Variants in FBXW8 observed in about 807,000 individuals in gnomAD.
The protein encoded by FBXW8 is F-box/WD repeat-containing protein 8.
In FBXW8, 57 loss-of-function variants were observed where a neutral mutation model predicts 65.3. The ratio of observed to expected loss-of-function variants is 0.87; its 90% CI spans 0.71 to 1.09. The LOEUF (loss-of-function observed/expected upper bound fraction) is 1.09, where lower values mean the gene tolerates loss of function less well. Ranked by LOEUF, FBXW8 falls within the 50% of genes least tolerant of loss-of-function variation. The probability of loss-of-function intolerance (pLI) is 0.00; values close to 1 mark genes in which losing one functional copy is unlikely to be tolerated. For synonymous variants in FBXW8, 308 were observed against 330.2 expected, an observed-to-expected ratio of 0.93 and a Z score of 0.73; for missense variants, 777 against 814.8, an observed-to-expected ratio of 0.95 and a Z score of 0.57.
intron 5 of FBXW8, among the ~76,000 whole-genome samples, chr12:116,971,844 CG>C (rs1884667595): frequency 6.6e-6 from 1 of 152,076 alleles, no homozygotes. Flanking sequence ...CCTGCATGCC[CG>C]TATTGACCTT....
chr12:116,990,079 A>C (rs2135678352), intron 7 of FBXW8, among the ~76,000 whole-genome samples: 1 of 152,280 alleles, frequency 6.6e-6, no homozygotes, highest in South Asian at 2.1e-4. Flanking sequence ...GTCAAATCTC[A>C]TTTATGTAGG....
At chr12:116,940,655 G>A (rs1305127218) in intron 2 of FBXW8, among the ~76,000 whole-genome samples, 6 of 152,066 alleles carry the variant, frequency 3.9e-5, no homozygotes, top group African/African-American at 1.4e-4. Context: ...GCAGGGTGGC[G>A]AGTTCACAGG....
chr12:116,910,971 C>T lies in FBXW8; in HGVS notation c.-67C>T, dbSNP rs965752738. ...GCTTCCGGCCGCGGCGGACACTTCC[C>T]TGGGCGGGACTGTCTCGTGGCACCC... On this transcript the variant is annotated 5_prime_UTR_variant, in exon 1 of 11. Transcript: ENST00000652555. 3.9e-6 allele frequency: 5 copies of T among 1,287,018 alleles called. No individual in the cohort carries two copies. Among genetic ancestry groups the T allele is most frequent in the East Asian group, 3.2e-5 (1 of 31,636 alleles). 79.7% of individuals were successfully genotyped at this position (1,287,018 alleles called of 1,614,324 possible).
chr12:117,005,166 T>A (rs1256559158), intron 7 of FBXW8, among the ~76,000 whole-genome samples: 1 of 152,196 alleles, frequency 6.6e-6, no homozygotes, highest in Non-Finnish European at 1.5e-5. Context: ...AGTTCCTTTG[T>A]ACATACCAGC....
intron 3 of FBXW8, among the ~76,000 whole-genome samples, chr12:116,947,750 A>AAAAG (rs370579503): frequency 0.13 from 17,352 of 136,728 alleles, 1,190 homozygotes; most frequent in Middle Eastern, 0.22. Flanking sequence ...AAAAAAAAAA[A>AAAAG]AAAAGAAAAG....
At chr12:116,981,485 A>AT (rs1437642236) in intron 5 of FBXW8, among the ~76,000 whole-genome samples, 27 of 152,354 alleles carry the variant, frequency 1.8e-4, no homozygotes, top group Non-Finnish European at 1.3e-4. Flanking sequence ...TGCAAAAGTA[A>AT]TAACAATGTA....
rs891426221 is a variant in FBXW8, at chr12:117,029,126, G to A, written c.*954G>A. 2.6e-5 allele frequency: 4 copies of A among 152,154 alleles called. No individual in the cohort carries two copies. Among genetic ancestry groups the A allele is most frequent in the Non-Finnish European group, 4.4e-5 (3 of 68,026 alleles). The allele number at this position is 152,154 out of a possible 1,614,324, so 9.4% of individuals were successfully genotyped here. A position where few individuals can be genotyped will look rare whatever the true frequency, so the allele number is the denominator to read the frequency against. On this transcript the variant is annotated 3_prime_UTR_variant, in exon 11 of 11. Coordinates refer to ENST00000652555, the MANE Select transcript of FBXW8 (RefSeq NM_153348.3). ...CAAGCTGGATCCAGTAGATGCGTAT[G>A]GAATTTCAAATACACATAGACGATG...
intron 3 of FBXW8, among the ~76,000 whole-genome samples, chr12:116,947,724 G>A (rs541676441): frequency 2.3e-5 from 3 of 132,740 alleles, no homozygotes; most frequent in South Asian, 2.4e-4. Flanking sequence ...GGGCGACAGA[G>A]CGAGACTGTC....
At chr12:117,018,599 C>T (rs1418605258) in intron 8 of FBXW8, among the ~76,000 whole-genome samples, 2 of 133,090 alleles carry the variant, frequency 1.5e-5, no homozygotes, top group Non-Finnish European at 3.2e-5. Context: ...CTGTTTCTGT[C>T]GACGAGAAGC....
At chr12:116,914,231 C>G (rs1442102369) in intron 1 of FBXW8, among the ~76,000 whole-genome samples, 2 of 151,862 alleles carry the variant, frequency 1.3e-5, no homozygotes, top group African/African-American at 2.4e-5. Flanking sequence ...CATGATTGCA[C>G]CACTGCACTC....
In FBXW8 at chr12:117,027,480, TGG is replaced by T; in HGVS notation, c.1629_1630del (p.Asp544GlnfsTer16). ...CAGACGGTAATGCGAAACGCCGACC[TGG>T]ACAGCTTCACTACTCACAGGAGGTT... On this transcript the variant is annotated frameshift_variant, in exon 10 of 11. Transcript: ENST00000652555. LOFTEE classifies it high-confidence loss of function. 6.2e-7 allele frequency: 1 copy of T among 1,614,088 alleles called. No homozygotes were observed. Among genetic ancestry groups the T allele is most frequent in the Non-Finnish European group, 8.5e-7 (1 of 1,179,980 alleles).
At chr12:116,912,171 G>GTTTT (rs57142470) in intron 1 of FBXW8, among the ~76,000 whole-genome samples, 20 of 130,994 alleles carry the variant, frequency 1.5e-4, no homozygotes, top group African/African-American at 3.0e-4. Context: ...TTTTTTTCCT[G>GTTTT]TTTTTTTTTT....
intron 1 of FBXW8, among the ~76,000 whole-genome samples, chr12:116,924,081 T>C (rs1455987314): frequency 2.6e-5 from 4 of 152,262 alleles, no homozygotes; most frequent in Admixed American, 6.5e-5. Flanking sequence ...TTCTCTATTT[T>C]AATATTTCTA....
intron 5 of FBXW8, among the ~76,000 whole-genome samples, chr12:116,976,413 G>A (rs1452425965): frequency 7.1e-6 from 1 of 140,066 alleles, no homozygotes; most frequent in African/African-American, 2.6e-5. Flanking sequence ...GCATGATGAT[G>A]AGTACCTAAT....
intron 4 of FBXW8, among the ~76,000 whole-genome samples, chr12:116,953,859 T>C (rs1592882781): frequency 1.3e-5 from 2 of 151,856 alleles, no homozygotes; most frequent in Non-Finnish European, 2.9e-5. Flanking sequence ...CTCACGCCTG[T>C]AATCCCAGCA....
intron 8 of FBXW8, among the ~76,000 whole-genome samples, chr12:117,011,289 G>GCCT (rs1953808127): frequency 6.6e-6 from 1 of 151,972 alleles, no homozygotes; most frequent in South Asian, 2.1e-4. Context: ...TCGTGAGGCG[G>GCCT]GTACTCCTCT....
At chr12:117,000,094 G>A (rs1053998886) in intron 7 of FBXW8, among the ~76,000 whole-genome samples, 1 of 149,642 alleles carries the variant, frequency 6.7e-6, no homozygotes, top group African/African-American at 2.5e-5. Context: ...CCATTCTCCT[G>A]CCTCAGCCTC....
At chr12:116,929,929 C>G (rs1426240063) in intron 2 of FBXW8, among the ~76,000 whole-genome samples, 1 of 152,166 alleles carries the variant, frequency 6.6e-6, no homozygotes, top group African/African-American at 2.4e-5. Context: ...TGAGATCATG[C>G]AATATTTGTC....
intron 8 of FBXW8, among the ~76,000 whole-genome samples, chr12:117,020,075 C>T (rs918520487): frequency 6.6e-6 from 1 of 152,186 alleles, no homozygotes; most frequent in Non-Finnish European, 1.5e-5. Flanking sequence ...GCATGTCCCC[C>T]AGCACACACC....
Sources: gnomAD v4.1 joint callset for allele counts (sites outside exome capture counted in the v4.1 genomes callset) on GRCh38, gnomAD v4.1.1 for gene constraint, MANE v1.5 for transcripts, NCBI Gene and HGNC (gene_info 2026-07-23, HGNC 2026-07-21) for gene names.